The following VWDE variants were observed in gnomAD, a reference collection of about 807,000 sequenced individuals.
VWDE encodes von Willebrand factor D and EGF domain-containing protein.
A neutral mutation model predicts 178.4 loss-of-function variants in VWDE; 207 were observed. The observed-to-expected ratio is 1.16, with a 90% CI of 1.04 to 1.30. The LOEUF (loss-of-function observed/expected upper bound fraction) is 1.30, where lower values mean the gene tolerates loss of function less well. VWDE is among the 50% of genes most tolerant of loss of function. VWDE has a pLI of 0.00. For missense variants in VWDE, 2,287 were observed against 1,901.3 expected (o/e 1.20, Z -3.77); for synonymous variants, 738 against 651.4 (o/e 1.13, Z -2.02).
rs549703071 is a variant in VWDE at position 12,349,105 on chromosome 7, T to A, written c.3886+2468A>T. On this transcript the variant is annotated intron_variant, in intron 19 of 28. Coordinates refer to ENST00000275358, the MANE Select transcript of VWDE (RefSeq NM_001135924.3). ...GTGCGGGGAGAGGGGAGGGATAGCA[T>A]TGGGAGATATACTTAATGCTAGATG... is the stretch of plus-strand genomic sequence containing the variant. Among the ~76,000 whole-genome samples, 42 of 152,196 alleles carry A rather than the reference T, an allele frequency of 2.8e-4. 1 individual carries two copies. The South Asian group carries it at 8.7e-3, about 32-fold the overall frequency.
chr7:12,375,341 C>T, intron 7 of VWDE, 114 bp from the exon 8 acceptor site: 1 of 956,262 alleles, frequency 1.0e-6, no homozygotes. Flanking sequence ...AAATTATTTT[C>T]TCTTTCTTAA....
chr7:12,376,470 T>C (rs1783537395), intron 7 of VWDE, among the ~76,000 whole-genome samples: 1 of 152,146 alleles, frequency 6.6e-6, no homozygotes, highest in Non-Finnish European at 1.5e-5. Context: ...TAGAAATATA[T>C]TTAGGCTATT....
At chr7:12,393,216 C>A (rs1784466676) in intron 2 of VWDE, among the ~76,000 whole-genome samples, 1 of 152,164 alleles carries the variant, frequency 6.6e-6, no homozygotes, top group African/African-American at 2.4e-5. Flanking sequence ...TACAGCTAAG[C>A]ACCTGAGCCC....
At chr7:12,396,131 T>C (rs1349174710) in intron 1 of VWDE, among the ~76,000 whole-genome samples, 2 of 152,128 alleles carry the variant, frequency 1.3e-5, no homozygotes, top group African/African-American at 2.4e-5. Context: ...TTAGAAATAA[T>C]AGATCCACAG....
At position 12,403,861 on chromosome 7, in the gene VWDE, G is replaced by T; in HGVS notation, c.-145C>A. The T allele has an allele frequency of 1.3e-6, 1 of 793,114 alleles. No individual in the cohort carries two copies. The highest frequency in any genetic ancestry group is 2.0e-6 in the Non-Finnish European group (1 of 494,712). 49.1% of individuals were successfully genotyped at this position (793,114 alleles called of 1,614,324 possible). A position where few individuals can be genotyped will look rare whatever the true frequency, so the allele number is the denominator to read the frequency against. ...TGGAACAGGGAAGCTCCGCGTCCTC[G>T]TTCTGGGGTGCACCCAGTCCTTTCG... is the stretch of plus-strand genomic sequence containing the variant. On this transcript the variant is annotated 5_prime_UTR_variant, in exon 1 of 29. Transcript: ENST00000275358.
At chr7:12,356,556 G>A (rs986273488) in intron 17 of VWDE, among the ~76,000 whole-genome samples, 1 of 151,540 alleles carries the variant, frequency 6.6e-6, no homozygotes, top group African/African-American at 2.4e-5. Flanking sequence ...ATAATACTAA[G>A]GATAACTTTT....
At position 12,373,028 on chromosome 7, in the gene VWDE, A is replaced by G. The variant is rs111840688; in HGVS notation, c.1536T>C (p.Asp512=). Residue 512 remains aspartate, a synonymous_variant, in exon 10 of 29, where the codon GAT becomes GAC. Transcript: ENST00000275358. ...CACTTATCTTGATATTCCTGGTTAC[A>G]TCTTGGCTTTTTATGAACAAATATG... is the stretch of plus-strand genomic sequence containing the variant. ...SQPYLFIKSQ[D]VTRNIKISES... is the part of the protein sequence containing the mutation. The G allele has an allele frequency of 6.4e-7, 1 of 1,551,226 alleles. No individual in the cohort carries two copies. The highest frequency in any genetic ancestry group is 2.0e-5 in the Admixed American group (1 of 50,972).
intron 17 of VWDE, among the ~76,000 whole-genome samples, chr7:12,357,017 T>C (rs1583298306): frequency 6.6e-6 from 1 of 152,214 alleles, no homozygotes; most frequent in Middle Eastern, 3.2e-3. Context: ...ATTCTTGTCA[T>C]AGTGAAGTGC....
At chr7:12,341,256 T>C (rs1359861730) in intron 23 of VWDE, among the ~76,000 whole-genome samples, 4 of 152,172 alleles carry the variant, frequency 2.6e-5, no homozygotes, top group South Asian at 2.1e-4. Context: ...GCTATAAACA[T>C]TGAATTACAC....
In VWDE at chr7:12,393,600, A is replaced by G. The variant is rs1459072090; in HGVS notation, c.237T>C (p.Cys79=). The G allele has an allele frequency of 6.5e-7, 1 of 1,547,746 alleles. No individual in the cohort carries two copies. Among genetic ancestry groups the G allele is most frequent in the Non-Finnish European group, 8.7e-7 (1 of 1,145,274 alleles). The change falls in exon 2 of 29, where the codon TGT becomes TGC. Residue 79 remains cysteine (C), a synonymous_variant. Transcript: ENST00000275358. ...ACTTAGGGAGTTGACATACCTCAAC[A>G]CATTTGGTTGGCATCTCGGCAGGTC... ...LDRPAEMPTK[C]VEMNHCGTQA...
At chr7:12,365,545 TGA>T (rs1191704367) in intron 13 of VWDE, among the ~76,000 whole-genome samples, 1 of 152,006 alleles carries the variant, frequency 6.6e-6, no homozygotes, top group Non-Finnish European at 1.5e-5. Flanking sequence ...ACTAAGAAGG[TGA>T]GCAGGAATCG....
chr7:12,363,412 C>G (rs1782686220), intron 13 of VWDE, among the ~76,000 whole-genome samples: 1 of 151,978 alleles, frequency 6.6e-6, no homozygotes, highest in Non-Finnish European at 1.5e-5. Flanking sequence ...TGGTTAACAT[C>G]CTGTATTTAA....
intron 13 of VWDE, among the ~76,000 whole-genome samples, chr7:12,363,781 T>C (rs912992135): frequency 3.9e-5 from 6 of 152,026 alleles, no homozygotes; most frequent in Non-Finnish European, 7.4e-5. Context: ...ATATTTCATA[T>C]ACCCTCCAAA....
At position 12,357,304 on chromosome 7, in the gene VWDE, A is replaced by G; in HGVS notation, c.3486T>C (p.Leu1162=). Residue 1162 remains leucine (L), a synonymous_variant, in exon 17 of 29, where the codon CTT becomes CTC. Coordinates refer to ENST00000275358, the MANE Select transcript of VWDE (RefSeq NM_001135924.3). ...LLTTQQITVR[L]NDDCDAETRV... ...TAGTTTCAGCATCGCAGTCATCATT[A>G]AGGCGTACAGTAATTTGTTGGGTAG... 1.3e-6 allele frequency: 2 copies of G among 1,552,326 alleles called. No individual in the cohort carries two copies. Among genetic ancestry groups the G allele is most frequent in the Non-Finnish European group, 1.7e-6 (2 of 1,147,140 alleles).
intron 14 of VWDE, 48 bp from the exon 15 acceptor site, chr7:12,361,299 A>G: frequency 1.3e-6 from 2 of 1,536,486 alleles, no homozygotes; most frequent in Non-Finnish European, 8.8e-7. Flanking sequence ...TAAATGTTCT[A>G]AATTCATTAT....
At position 12,390,793 on chromosome 7, in the gene VWDE, T is replaced by C. The variant is rs184335541; in HGVS notation, c.244-1435A>G. On this transcript the variant is annotated intron_variant, in intron 2 of 28. Coordinates refer to ENST00000275358, the MANE Select transcript of VWDE (RefSeq NM_001135924.3). Reference sequence around the variant, plus strand: ...CAAAAGGTATGTTTATGTACTGCTATTGGAATTAAAAATTATCACTATGTT... The same window carrying C: ...CAAAAGGTATGTTTATGTACTGCTACTGGAATTAAAAATTATCACTATGTT... Among the ~76,000 whole-genome samples, 273 of 152,076 alleles carry C rather than the reference T, an allele frequency of 1.8e-3. 2 individuals are homozygous for C. The highest frequency in any genetic ancestry group is 6.2e-3 in the African/African-American group (259 of 41,532).
chr7:12,401,004 C>T (rs1784868951), intron 1 of VWDE, among the ~76,000 whole-genome samples: 1 of 152,052 alleles, frequency 6.6e-6, no homozygotes, highest in Non-Finnish European at 1.5e-5. Context: ...TTTTAAAAAT[C>T]CAACACCTTT....
chr7:12,383,482 T>G (rs1457049936), intron 4 of VWDE, 54 bp downstream of exon 4: 1 of 1,330,420 alleles, frequency 7.5e-7, no homozygotes, highest in Non-Finnish European at 1.1e-6. Flanking sequence ...AATTATCTGT[T>G]GAAATAGTCT....
In VWDE at chr7:12,361,268, C is replaced by G; in HGVS notation, c.3055-17G>C. ...ATTAGATACCTGTAACATAATAGTTCTATAATAAGATGATTTGTTCTAAAT... is the reference window on the plus strand; with the variant it reads ...ATTAGATACCTGTAACATAATAGTTGTATAATAAGATGATTTGTTCTAAAT... On this transcript the variant is annotated splice_polypyrimidine_tract_variant and intron_variant, in intron 14 of 28. Transcript: ENST00000275358. The G allele has an allele frequency of 6.5e-7, 1 of 1,535,888 alleles. No individual in the cohort carries two copies. Among genetic ancestry groups the G allele is most frequent in the Non-Finnish European group, 8.8e-7 (1 of 1,135,960 alleles).
Sources: allele counts gnomAD v4.1 joint callset (sites outside exome capture counted in the v4.1 genomes callset), GRCh38; gene constraint gnomAD v4.1.1; transcripts MANE v1.5; gene names NCBI Gene and HGNC (gene_info 2026-07-23, HGNC 2026-07-21).